The following AGO2 variants were observed in gnomAD, a reference collection of about 807,000 sequenced individuals.
AGO2 encodes argonaute RISC catalytic component 2, also known as protein argonaute-2.
Under a neutral mutation model 102.3 loss-of-function variants are expected in AGO2, and 5 were observed. The ratio of observed to expected loss-of-function variants is 0.05; its 90% CI spans 0.03 to 0.10. The LOEUF (loss-of-function observed/expected upper bound fraction) is 0.10. Ranked by LOEUF, AGO2 falls within the 10% of genes least tolerant of loss-of-function variation. The pLI is 1.00. For synonymous variants in AGO2, 449 were observed against 473.1 expected (o/e 0.95, Z 0.66); for missense variants, 541 against 1,183.7 (o/e 0.46, Z 7.97).
intron 12 of AGO2, 131 bp from the exon 13 acceptor site, chr8:140,547,758 C>T (rs933888848): frequency 9.3e-6 from 12 of 1,290,270 alleles, no homozygotes; most frequent in Middle Eastern, 2.4e-4. Flanking sequence ...CTGAGCTTTG[C>T]GTGTCCCCCT....
chr8:140,604,745 T>C (rs1330775180), intron 1 of AGO2, among the ~76,000 whole-genome samples: 2 of 150,926 alleles, frequency 1.3e-5, no homozygotes, highest in South Asian at 4.2e-4. Flanking sequence ...GAGAATGGAG[T>C]GAACCTGGGA....
intron 1 of AGO2, among the ~76,000 whole-genome samples, chr8:140,590,525 C>T (rs554445114): frequency 5.3e-5 from 8 of 152,286 alleles, no homozygotes; most frequent in South Asian, 2.1e-4. Context: ...AAAACCTGTC[C>T]GAAAACAGAC....
intron 1 of AGO2, among the ~76,000 whole-genome samples, chr8:140,595,993 T>C (rs7841233): frequency 0.79 from 96,155 of 121,838 alleles, 38,349 homozygotes; most frequent in Middle Eastern, 0.83. Context: ...AATATATATA[T>C]TATATATATA....
chr8:140,579,414 C>T (rs1031685726), intron 2 of AGO2, among the ~76,000 whole-genome samples: 1 of 152,176 alleles, frequency 6.6e-6, no homozygotes, highest in Admixed American at 6.5e-5. Context: ...CGCCCATTTT[C>T]CTACTCTGTG....
chr8:140,633,205 T>C (rs1203455819), intron 1 of AGO2, among the ~76,000 whole-genome samples: 1 of 152,218 alleles, frequency 6.6e-6, no homozygotes, highest in Non-Finnish European at 1.5e-5. Context: ...TTGAATGTCT[T>C]ATAATTCTAA....
chr8:140,595,453 T>G (rs891059750), intron 1 of AGO2, among the ~76,000 whole-genome samples: 1 of 151,414 alleles, frequency 6.6e-6, no homozygotes, highest in African/African-American at 2.4e-5. Context: ...ATTCGTTTTA[T>G]ATCTTATTTT....
intron 1 of AGO2, chr8:140,592,539 A>G (rs548729361): frequency 2.0e-5 from 3 of 152,354 alleles, no homozygotes; most frequent in African/African-American, 7.2e-5. Context: ...TCTTAGTAAA[A>G]ATGCCTTATG....
At chr8:140,565,049 G>A (rs1019800893) in intron 3 of AGO2, among the ~76,000 whole-genome samples, 9 of 151,904 alleles carry the variant, frequency 5.9e-5, no homozygotes, top group South Asian at 4.2e-4. Context: ...CAGGAGAATC[G>A]CTTAAACCTG....
At position 140,562,638 on chromosome 8, in the gene AGO2, C is replaced by T. The variant is rs1034056842; in HGVS notation, c.337-4G>A. ...GCAGCGTGACCTCCAGCTCCACCTG[C>T]GAGGATCCAAGGCACACAAGGTTAC... On this transcript the variant is annotated splice_polypyrimidine_tract_variant and splice_region_variant and intron_variant, in intron 3 of 18. Transcript: ENST00000220592. The T allele has an allele frequency of 1.1e-5, 18 of 1,612,598 alleles. No individual in the cohort carries two copies. Among genetic ancestry groups the T allele is most frequent in the South Asian group, 3.3e-5 (3 of 90,994 alleles).
At position 140,595,791 on chromosome 8, in the gene AGO2, A is replaced by T. The variant is rs374224518; in HGVS notation, c.23-10480T>A. ...TATATTATATACAATTGTATATACA[A>T]TTATATTATATACAATTGTATATAT... is the stretch of plus-strand genomic sequence containing the variant. On this transcript the variant is annotated intron_variant, in intron 1 of 18. Transcript: ENST00000220592. 8.3e-4 allele frequency among the ~76,000 whole-genome samples: 34 copies of T among 40,776 alleles called. 2 individuals are homozygous for T. Among genetic ancestry groups the T allele is most frequent in the Middle Eastern group, 0.015 (1 of 68 alleles). The allele number at this position is 40,776 out of a possible 152,430, so 26.8% of individuals were successfully genotyped here. A position where few individuals can be genotyped will look rare whatever the true frequency, so the allele number is the denominator to read the frequency against.
In AGO2 at chr8:140,522,313, C is replaced by T. The variant is rs1226695957; in HGVS notation, c.*9731G>A. On this transcript the variant is annotated 3_prime_UTR_variant, in exon 19 of 19. Coordinates refer to ENST00000220592, the MANE Select transcript of AGO2 (RefSeq NM_012154.5). ...TTAGTAATAGCACCCAACTGTTTAACTGAGGTAGATCCACATTGTAAAGAA... is the reference window on the plus strand; with the variant it reads ...TTAGTAATAGCACCCAACTGTTTAATTGAGGTAGATCCACATTGTAAAGAA... 2 of 152,120 alleles carry T rather than the reference C, an allele frequency of 1.3e-5. No individual in the cohort carries two copies. Among genetic ancestry groups the T allele is most frequent in the African/African-American group, 4.8e-5 (2 of 41,414 alleles). The allele number at this position is 152,120 out of a possible 1,614,324, so 9.4% of individuals were successfully genotyped here. A position where few individuals can be genotyped will look rare whatever the true frequency, so the allele number is the denominator to read the frequency against.
chr8:140,605,830 A>C (rs1235734850), intron 1 of AGO2: 1 of 152,278 alleles, frequency 6.6e-6, no homozygotes, highest in African/African-American at 2.4e-5. Context: ...CCCAGGGGCC[A>C]GGTGAGAATG....
upstream of AGO2, chr8:140,637,349 CA>C (rs2074417208): frequency 6.6e-6 from 1 of 152,240 alleles, no homozygotes; most frequent in African/African-American, 2.4e-5. Flanking sequence ...CCCTGAGGCC[CA>C]ACTGCCCTGC....
chr8:140,556,991 T>G (rs2073107568), intron 8 of AGO2, 98 bp downstream of exon 8: 1 of 1,481,216 alleles, frequency 6.8e-7, no homozygotes, highest in Non-Finnish European at 9.1e-7. Flanking sequence ...GCCATTTGTA[T>G]CTGACTGGGG....
chr8:140,576,655 C>T (rs781476818), intron 2 of AGO2, among the ~76,000 whole-genome samples: 2 of 152,156 alleles, frequency 1.3e-5, no homozygotes, highest in East Asian at 1.9e-4. Flanking sequence ...CTCTCTTCTA[C>T]GAGGCTGATG....
the AGO2 span, among the ~76,000 whole-genome samples, chr8:140,641,662 C>T: frequency 4.6e-5 from 7 of 152,244 alleles, no homozygotes; most frequent in Non-Finnish European, 7.3e-5. Flanking sequence ...TGGCTCACTG[C>T]AACCTCCGCC....
intron 1 of AGO2, among the ~76,000 whole-genome samples, chr8:140,616,909 G>A (rs1588509421): frequency 6.6e-6 from 1 of 152,220 alleles, no homozygotes; most frequent in African/African-American, 2.4e-5. Flanking sequence ...TGCGTCCAGC[G>A]GAGCCCTGCG....
At chr8:140,609,810 AC>A (rs1218680853) in intron 1 of AGO2, among the ~76,000 whole-genome samples, 1 of 152,110 alleles carries the variant, frequency 6.6e-6, no homozygotes, top group African/African-American at 2.4e-5. Context: ...ACAGCCAGGC[AC>A]GGGGGCTCAC....
At chr8:140,550,423 C>T (rs983802176) in intron 11 of AGO2, among the ~76,000 whole-genome samples, 3 of 152,206 alleles carry the variant, frequency 2.0e-5, no homozygotes, top group Non-Finnish European at 4.4e-5. Flanking sequence ...GTACCTGGCA[C>T]GGCTGTGCTG....
Sources: gnomAD v4.1 joint callset for allele counts (sites outside exome capture counted in the v4.1 genomes callset) on GRCh38, gnomAD v4.1.1 for gene constraint, MANE v1.5 for transcripts, NCBI Gene and HGNC (gene_info 2026-07-23, HGNC 2026-07-21) for gene names.